Variants in NADSYN1 observed in about 807,000 individuals in gnomAD.
NADSYN1 encodes glutamine-dependent NAD(+) synthetase.
In NADSYN1, 80 loss-of-function variants were observed where a neutral mutation model predicts 99.3. That is an observed-to-expected ratio of 0.81 (90% CI 0.67 to 0.97). The LOEUF (loss-of-function observed/expected upper bound fraction) is 0.97, where lower values mean the gene tolerates loss of function less well. Ranked by LOEUF, NADSYN1 falls within the 50% of genes least tolerant of loss-of-function variation. The probability of loss-of-function intolerance (pLI) is 0.00; values close to 1 mark genes in which losing one functional copy is unlikely to be tolerated. For synonymous variants in NADSYN1, 385 were observed against 372.1 expected (o/e 1.03, Z -0.40); for missense variants, 859 against 948.5 (o/e 0.91, Z 1.24).
chr11:71,456,409 C>T (rs1463127575), intron 2 of NADSYN1, among the ~76,000 whole-genome samples: 1 of 152,240 alleles, frequency 6.6e-6, no homozygotes, highest in Non-Finnish European at 1.5e-5. Flanking sequence ...CTTCGATCCT[C>T]TCCTGGCCCC....
intron 10 of NADSYN1, chr11:71,478,933 GC>G (rs1949687266): frequency 6.1e-6 from 1 of 164,162 alleles, no homozygotes; most frequent in African/African-American, 2.4e-5. Context: ...CGCCCCTCCT[GC>G]AGCCCGAGGT....
At chr11:71,463,055 C>T (rs1949560756) in intron 3 of NADSYN1, among the ~76,000 whole-genome samples, 1 of 152,118 alleles carries the variant, frequency 6.6e-6, no homozygotes, top group Admixed American at 6.6e-5. Flanking sequence ...TGGAAATGAG[C>T]TCAGGGCGGA....
intron 5 of NADSYN1, among the ~76,000 whole-genome samples, chr11:71,464,873 A>C (rs1370242236): frequency 8.1e-5 from 12 of 147,986 alleles, no homozygotes; most frequent in Non-Finnish European, 1.5e-5. Flanking sequence ...GTCTCAAAAA[A>C]AAAAAAAAAA....
intron 5 of NADSYN1, among the ~76,000 whole-genome samples, chr11:71,470,947 C>T (rs1429020704): frequency 6.6e-6 from 1 of 152,158 alleles, no homozygotes; most frequent in African/African-American, 2.4e-5. Context: ...CTCTGCAGTG[C>T]TCTTCACAGG....
chr11:71,458,278 C>T (rs901399565), intron 2 of NADSYN1, 150 bp from the exon 3 acceptor site: 2 of 662,654 alleles, frequency 3.0e-6, no homozygotes, highest in Non-Finnish European at 5.5e-6. Flanking sequence ...GGGTCTTATG[C>T]TGGCTGCTCA....
intron 16 of NADSYN1, among the ~76,000 whole-genome samples, chr11:71,488,269 CAT>C: frequency 6.6e-6 from 1 of 152,142 alleles, no homozygotes; most frequent in South Asian, 2.1e-4. Context: ...CAGCAGATAA[CAT>C]GTGTATTGTA....
chr11:71,485,641 G>T lies in NADSYN1; in HGVS notation c.1555G>T (p.Asp519Tyr). The change falls in exon 16 of 21, where the codon GAT becomes TAT. Residue 519 changes from aspartate (D) to tyrosine (Y), a missense_variant. Asp to Tyr is a radical substitution (Grantham distance 160). Coordinates refer to ENST00000319023, the MANE Select transcript of NADSYN1 (RefSeq NM_018161.5). The part of the protein sequence containing the change: ...GLLVLGSANV[D>Y]ESLLGYLTKY... ...CCTCGTGCTGGGATCCGCCAACGTG[G>T]ATGAGAGGTGAGTGTGGCCCAGTGG... 6.4e-7 allele frequency: 1 copy of T among 1,553,228 alleles called. No individual in the cohort carries two copies. The highest frequency in any genetic ancestry group is 1.2e-5 in the South Asian group (1 of 84,174).
At chr11:71,456,748 C>T (rs1335652438) in intron 2 of NADSYN1, among the ~76,000 whole-genome samples, 1 of 152,232 alleles carries the variant, frequency 6.6e-6, no homozygotes. Flanking sequence ...CCAGCAGGGA[C>T]AGGGGCCCAG....
At chr11:71,464,867 CAAAAAAAA>C (rs926724365) in intron 5 of NADSYN1, among the ~76,000 whole-genome samples, 1 of 40,480 alleles carries the variant, frequency 2.5e-5, no homozygotes, top group Non-Finnish European at 5.1e-5. Flanking sequence ...GACTCTGTCT[CAAAAAAAA>C]AAAAAAAAAA....
chr11:71,498,491 C>A lies in NADSYN1; in HGVS notation c.2033C>A (p.Thr678Lys). 1 of 1,614,224 alleles carries A rather than the reference C, an allele frequency of 6.2e-7. No individual in the cohort carries two copies. Residue 678 changes from threonine to lysine, a missense_variant, in exon 20 of 21, where the codon ACA becomes AAA. Thr to Lys is a moderately conservative substitution (Grantham distance 78, BLOSUM62 -1). Coordinates refer to ENST00000319023, the MANE Select transcript of NADSYN1 (RefSeq NM_018161.5). ...GATCTGCGACCATTTCTGTACAACA[C>A]AAGCTGGCCTTGGCAGTTTCGGTGC... ...RFDLRPFLYNTSWPWQFRCIE... is the reference protein window; with the variant it reads ...RFDLRPFLYNKSWPWQFRCIE...
At chr11:71,489,225 G>A (rs1949763517) in intron 16 of NADSYN1, among the ~76,000 whole-genome samples, 1 of 151,980 alleles carries the variant, frequency 6.6e-6, no homozygotes, top group African/African-American at 2.4e-5. Flanking sequence ...CGAGAGGAGG[G>A]GACAGCTGCT....
chr11:71,461,503 A>G (rs999036157), intron 3 of NADSYN1, among the ~76,000 whole-genome samples: 2 of 152,142 alleles, frequency 1.3e-5, no homozygotes, highest in Admixed American at 6.5e-5. Flanking sequence ...ATCTCGGCTC[A>G]CTGCAACCTC....
At chr11:71,484,771 G>A in intron 15 of NADSYN1, 1 of 326,640 alleles carries the variant, frequency 3.1e-6, no homozygotes, top group Non-Finnish European at 5.9e-6. Flanking sequence ...GGGTGTGTCT[G>A]AGCCTGAGTG....
intron 16 of NADSYN1, among the ~76,000 whole-genome samples, chr11:71,488,201 T>C (rs1423417218): frequency 2.0e-5 from 3 of 152,072 alleles, no homozygotes; most frequent in Non-Finnish European, 4.4e-5. Flanking sequence ...TTCCCGGTGG[T>C]GTGAATGAGT....
At chr11:71,462,367 C>A (rs1244550643) in intron 3 of NADSYN1, among the ~76,000 whole-genome samples, 1 of 152,212 alleles carries the variant, frequency 6.6e-6, no homozygotes, top group Non-Finnish European at 1.5e-5. Context: ...TTGATAATAA[C>A]TCTTTCAACC....
rs772926054 is a variant in NADSYN1, at chr11:71,480,812, G to A, written c.931G>A (p.Glu311Lys). 1.1e-4 allele frequency: 179 copies of A among 1,614,040 alleles called. No individual in the cohort carries two copies. Among genetic ancestry groups the A allele is most frequent in the Non-Finnish European group, 1.5e-4 (173 of 1,180,036 alleles). ...VKVDFALSCH[E>K]DLLAPISEPI... ...GGTGGACTTTGCCCTCTCGTGCCAC[G>A]AGGACTTGCTGGCACCCATCTCTGA... Residue 311 changes from glutamate (E) to lysine (K), a missense_variant, in exon 11 of 21, where the codon GAG (glutamate) becomes AAG (lysine). Coordinates refer to ENST00000319023, the MANE Select transcript of NADSYN1 (RefSeq NM_018161.5).
Position 71,481,389 on chromosome 11 carries a change from A to C in NADSYN1, c.1032A>C (p.Leu344Phe). 6.2e-7 allele frequency: 1 copy of C among 1,613,854 alleles called. No individual in the cohort carries two copies. Among genetic ancestry groups the C allele is most frequent in the South Asian group, 1.1e-5 (1 of 91,072 alleles). Residue 344 changes from leucine (L) to phenylalanine (F), a missense_variant, in exon 12 of 21, where the codon TTA (leucine) becomes TTC (phenylalanine). By Grantham distance (22) the Leu-to-Phe change is conservative (BLOSUM62 0). Coordinates refer to ENST00000319023, the MANE Select transcript of NADSYN1 (RefSeq NM_018161.5). ...LGPACWLWDF[L>F]RRSQQAGFLL... ...CTGCCTGCTGGCTCTGGGATTTTTTAAGACGAAGTCAACAGGTAAGACTTC... is the reference window on the plus strand; with the variant it reads ...CTGCCTGCTGGCTCTGGGATTTTTTCAGACGAAGTCAACAGGTAAGACTTC...
chr11:71,463,906 C>A, intron 4 of NADSYN1, 147 bp from the exon 5 acceptor site: 4 of 629,948 alleles, frequency 6.3e-6, no homozygotes, highest in Non-Finnish European at 8.4e-6. Flanking sequence ...AAAGCGGAAG[C>A]CCAGAGAAGG....
chr11:71,493,044 T>A (rs1949794007), intron 18 of NADSYN1, among the ~76,000 whole-genome samples: 1 of 152,078 alleles, frequency 6.6e-6, no homozygotes. Context: ...TGCATCACCA[T>A]GTCTCGCTAA....
Sources: gnomAD v4.1 joint callset for allele counts (sites outside exome capture counted in the v4.1 genomes callset) on GRCh38, gnomAD v4.1.1 for gene constraint, MANE v1.5 for transcripts, NCBI Gene and HGNC (gene_info 2026-07-23, HGNC 2026-07-21) for gene names.